Variants in KCNMB2 observed in about 807,000 individuals in gnomAD.
KCNMB2 encodes potassium calcium-activated channel subfamily M regulatory beta subunit 2.
Under a neutral mutation model 24.5 loss-of-function variants are expected in KCNMB2, and 9 were observed. The observed-to-expected ratio is 0.37, with a 90% confidence interval of 0.22 to 0.64. The LOEUF (loss-of-function observed/expected upper bound fraction) is 0.64, where lower values mean the gene tolerates loss of function less well. Ranked by LOEUF, KCNMB2 falls within the 30% of genes least tolerant of loss-of-function variation. KCNMB2 has a pLI of 0.63. For missense variants in KCNMB2, 226 were observed against 284.3 expected (o/e 0.79, Z 1.47); for synonymous variants, 109 against 104.4 (o/e 1.04, Z -0.27).
chr3:178,612,256 T>C (rs1460333798), intron 1 of KCNMB2, among the ~76,000 whole-genome samples: 1 of 152,222 alleles, frequency 6.6e-6, no homozygotes, highest in Non-Finnish European at 1.5e-5. Context: ...TGTAAATATC[T>C]ATTAGATCCA....
chr3:178,634,120 G>T (rs1719427690), intron 1 of KCNMB2, among the ~76,000 whole-genome samples: 1 of 152,128 alleles, frequency 6.6e-6, no homozygotes, highest in Non-Finnish European at 1.5e-5. Context: ...ATGTCTTCCT[G>T]TCTTCTGAGC....
At chr3:178,684,592 C>G (rs1314293556) in intron 1 of KCNMB2, among the ~76,000 whole-genome samples, 1 of 152,094 alleles carries the variant, frequency 6.6e-6, no homozygotes, top group African/African-American at 2.4e-5. Flanking sequence ...CTTTGGGAGT[C>G]CGAGGCGGGC....
chr3:178,698,257 C>T (rs1455790177), intron 1 of KCNMB2, among the ~76,000 whole-genome samples: 2 of 152,032 alleles, frequency 1.3e-5, no homozygotes, highest in Non-Finnish European at 2.9e-5. Flanking sequence ...TTCATAACAC[C>T]AAGAGTCACA....
chr3:178,623,821 G>A (rs1247403186), intron 1 of KCNMB2, among the ~76,000 whole-genome samples: 1 of 152,086 alleles, frequency 6.6e-6, no homozygotes, highest in East Asian at 1.9e-4. Flanking sequence ...TTAAAATGAT[G>A]AGTCACAGCT....
chr3:178,672,642 C>T (rs906406921), intron 1 of KCNMB2, among the ~76,000 whole-genome samples: 9 of 152,198 alleles, frequency 5.9e-5, no homozygotes, highest in South Asian at 2.1e-4. Context: ...GACTTCGTGA[C>T]TTCATACACC....
intron 1 of KCNMB2, among the ~76,000 whole-genome samples, chr3:178,700,950 C>T (rs1341498779): frequency 2.6e-5 from 4 of 152,156 alleles, no homozygotes; most frequent in Admixed American, 6.5e-5. Context: ...TGCAGAAGCT[C>T]TTTAGTTTAA....
intron 1 of KCNMB2, among the ~76,000 whole-genome samples, chr3:178,747,954 G>A (rs537466183): frequency 4.9e-4 from 75 of 152,318 alleles, no homozygotes; most frequent in African/African-American, 1.8e-3. Flanking sequence ...CTGTTTGCAT[G>A]GCAGCAATAT....
intron 1 of KCNMB2, among the ~76,000 whole-genome samples, chr3:178,584,836 G>C (rs1021357434): frequency 6.6e-6 from 1 of 152,086 alleles, no homozygotes; most frequent in Non-Finnish European, 1.5e-5. Context: ...TGATAGAAAG[G>C]TGAGTTGATT....
chr3:178,618,314 G>A (rs1014369004), intron 1 of KCNMB2, among the ~76,000 whole-genome samples: 13 of 151,416 alleles, frequency 8.6e-5, no homozygotes, highest in South Asian at 2.1e-4. Flanking sequence ...CATTATTTAC[G>A]GCTCACAGTG....
At chr3:178,802,794 A>C (rs928740757) in intron 1 of KCNMB2, among the ~76,000 whole-genome samples, 9 of 152,154 alleles carry the variant, frequency 5.9e-5, no homozygotes, top group Non-Finnish European at 5.9e-5. Flanking sequence ...ATCAGAACTT[A>C]ATGCTAATGA....
rs1223431405 is a variant in KCNMB2 at position 178,757,645 on chromosome 3, C to T, written c.-67-49698C>T. ...GAGGATATATATATGTATATATATC[C>T]AAGAGGATATATATATATGTATATA... On this transcript the variant is annotated intron_variant, in intron 1 of 4. Coordinates refer to ENST00000452583, the MANE Select transcript of KCNMB2 (RefSeq NM_181361.3). Among the ~76,000 whole-genome samples the T allele has an allele frequency of 1.3e-3, 42 of 32,232 alleles. 1 individual carries two copies. Among genetic ancestry groups the T allele is most frequent in the Non-Finnish European group, 2.2e-3 (37 of 16,532 alleles). 21.1% of individuals were successfully genotyped at this position (32,232 alleles called of 152,430 possible). A position where few individuals can be genotyped will look rare whatever the true frequency, so the allele number is the denominator to read the frequency against.
intron 1 of KCNMB2, among the ~76,000 whole-genome samples, chr3:178,680,074 A>G (rs1721213889): frequency 6.6e-6 from 1 of 151,852 alleles, no homozygotes; most frequent in Non-Finnish European, 1.5e-5. Flanking sequence ...CTTTCTGGAG[A>G]CCCCAAGGAG....
intron 1 of KCNMB2, among the ~76,000 whole-genome samples, chr3:178,696,894 A>G (rs1302982094): frequency 6.6e-6 from 1 of 152,096 alleles, no homozygotes; most frequent in Non-Finnish European, 1.5e-5. Flanking sequence ...AAGTCATTCA[A>G]TTTACTTGTA....
At chr3:178,726,238 T>C (rs1411645834) in intron 1 of KCNMB2, among the ~76,000 whole-genome samples, 1 of 151,988 alleles carries the variant, frequency 6.6e-6, no homozygotes, top group Non-Finnish European at 1.5e-5. Flanking sequence ...TATCTTACAA[T>C]TATTTTATAT....
chr3:178,804,653 A>G (rs1390658167), intron 1 of KCNMB2, among the ~76,000 whole-genome samples: 1 of 152,222 alleles, frequency 6.6e-6, no homozygotes, highest in Non-Finnish European at 1.5e-5. Flanking sequence ...TTCTAAATGT[A>G]TTGAAATCAC....
intron 1 of KCNMB2, among the ~76,000 whole-genome samples, chr3:178,625,295 G>A (rs1000064563): frequency 1.3e-5 from 2 of 152,172 alleles, no homozygotes; most frequent in African/African-American, 4.8e-5. Context: ...CAGGACAAGG[G>A]GGTGGGGGCG....
intron 1 of KCNMB2, among the ~76,000 whole-genome samples, chr3:178,800,733 T>C (rs149671978): frequency 6.3e-4 from 96 of 152,314 alleles, no homozygotes; most frequent in African/African-American, 2.1e-3. Context: ...CTACCACGTT[T>C]GTTGCAGCAC....
intron 1 of KCNMB2, among the ~76,000 whole-genome samples, chr3:178,603,340 G>C (rs1195737458): frequency 6.6e-6 from 1 of 152,194 alleles, no homozygotes; most frequent in Non-Finnish European, 1.5e-5. Context: ...CAGAGACACA[G>C]GTCAGGGATC....
chr3:178,792,317 T>C (rs1180795195), intron 1 of KCNMB2, among the ~76,000 whole-genome samples: 1 of 152,224 alleles, frequency 6.6e-6, no homozygotes. Flanking sequence ...TGTTTGTTTT[T>C]GAAATCAGTG....
Sources: gnomAD v4.1 joint callset for allele counts (sites outside exome capture counted in the v4.1 genomes callset) on GRCh38, gnomAD v4.1.1 for gene constraint, MANE v1.5 for transcripts, NCBI Gene and HGNC (gene_info 2026-07-23, HGNC 2026-07-21) for gene names.